Variants in DDX1 observed in about 807,000 individuals in gnomAD.
DDX1 encodes ATP-dependent RNA helicase DDX1.
In DDX1, 28 loss-of-function variants were observed where a neutral mutation model predicts 108.7. That is an observed-to-expected ratio of 0.26 (90% CI 0.19 to 0.35). DDX1 has a LOEUF of 0.35. Among genes scored for constraint, DDX1 ranks in the 10% least tolerant of loss-of-function variants. The pLI, the probability that DDX1 is intolerant of heterozygous loss-of-function variation, is 1.00. For missense variants in DDX1, 710 were observed against 884.5 expected (o/e 0.80, Z 2.50); for synonymous variants, 295 against 288.9 (o/e 1.02, Z -0.21).
chr2:15,593,974 A>G (rs1665460625), intron 1 of DDX1, among the ~76,000 whole-genome samples: 1 of 152,080 alleles, frequency 6.6e-6, no homozygotes, highest in South Asian at 2.1e-4. Flanking sequence ...GCTCCTCGGG[A>G]GGCTGAGGCA....
At chr2:15,604,818 G>A (rs888882176) in intron 10 of DDX1, among the ~76,000 whole-genome samples, 10 of 152,162 alleles carry the variant, frequency 6.6e-5, no homozygotes, top group African/African-American at 2.4e-4. Context: ...GAGTCATAGC[G>A]GTTTGGGGGT....
chr2:15,602,483 G>C (rs1665602745), intron 6 of DDX1, 65 bp from the exon 7 acceptor site: 3 of 1,145,756 alleles, frequency 2.6e-6, no homozygotes, highest in Non-Finnish European at 4.0e-6. Context: ...GTGGTAGGGG[G>C]TGGGAATGTA....
Position 15,617,331 on chromosome 2 carries a change from C to T in DDX1, c.1105C>T (p.Leu369=), listed in dbSNP as rs1665913581. 6.3e-7 allele frequency: 1 copy of T among 1,582,148 alleles called. No individual in the cohort carries two copies. Among genetic ancestry groups the T allele is most frequent in the East Asian group, 2.3e-5 (1 of 44,190 alleles). Residue 369 remains leucine, a synonymous_variant, in exon 15 of 26, where the codon CTG becomes TTG. Transcript: ENST00000233084. ...LNLSQVRFLV[L]DEADGLLSQG... ...CTTATCTCAAGTTAGATTCCTGGTC[C>T]TGGATGAAGCTGTATGTTGAAATAT...
intron 1 of DDX1, among the ~76,000 whole-genome samples, chr2:15,593,037 C>T (rs2148735384): frequency 6.6e-6 from 1 of 152,212 alleles, no homozygotes; most frequent in Non-Finnish European, 1.5e-5. Context: ...TCTCCTGCCT[C>T]AGCCTCCTGA....
Position 15,604,434 on chromosome 2 carries a change from T to G in DDX1, c.553-3T>G, listed in dbSNP as rs1367608753. The G allele has an allele frequency of 3.1e-6, 5 of 1,599,022 alleles. No individual in the cohort carries two copies. The highest frequency in any genetic ancestry group is 3.4e-6 in the Non-Finnish European group (4 of 1,167,450). On this transcript the variant is annotated splice_polypyrimidine_tract_variant and splice_region_variant and intron_variant, in intron 9 of 25. Coordinates refer to ENST00000233084, the MANE Select transcript of DDX1 (RefSeq NM_004939.3). ...AATAGCATTTGACTTTCTGGTGTTC[T>G]AGGAATTCACTATGCATGATACCAT...
At chr2:15,617,808 T>A (rs188805877) in intron 15 of DDX1, among the ~76,000 whole-genome samples, 15 of 152,350 alleles carry the variant, frequency 9.8e-5, no homozygotes, top group Admixed American at 9.8e-4. Flanking sequence ...CTCTTAGACA[T>A]ACTTCCAAAT....
At chr2:15,602,677 A>G (rs1270885503) in intron 7 of DDX1, 46 bp downstream of exon 7, 32 of 1,354,798 alleles carry the variant, frequency 2.4e-5, no homozygotes, top group Non-Finnish European at 3.2e-5. Context: ...GAGGCAAGGT[A>G]TTAATACGTG....
intron 17 of DDX1, among the ~76,000 whole-genome samples, chr2:15,620,639 CAT>C (rs1336834897): frequency 1.3e-5 from 2 of 152,106 alleles, no homozygotes; most frequent in Non-Finnish European, 2.9e-5. Context: ...AAGTAAATAA[CAT>C]ATATTTATCT....
chr2:15,626,029 G>A (rs1321085191), intron 19 of DDX1, among the ~76,000 whole-genome samples: 1 of 152,040 alleles, frequency 6.6e-6, no homozygotes, highest in Non-Finnish European at 1.5e-5. Flanking sequence ...TGATTAAGTA[G>A]TAATATCCCT....
chr2:15,621,915 A>G (rs911994241), intron 18 of DDX1, among the ~76,000 whole-genome samples: 1 of 152,234 alleles, frequency 6.6e-6, no homozygotes, highest in Non-Finnish European at 1.5e-5. Flanking sequence ...TGGCTTCACA[A>G]AGTGCTGGGA....
rs767682755 is a variant in DDX1, at chr2:15,603,907, T to C, written c.552+17T>C. 3 of 1,544,974 alleles carry C rather than the reference T, an allele frequency of 1.9e-6. No individual in the cohort carries two copies. Among genetic ancestry groups the C allele is most frequent in the Non-Finnish European group, 1.8e-6 (2 of 1,121,626 alleles). ...TATGGAGAGGTAAGCGATTATGTTA[T>C]GACTTCAACATAGCATAAGTAAGTT... On this transcript the variant is annotated intron_variant, in intron 9 of 25. Coordinates refer to ENST00000233084, the MANE Select transcript of DDX1 (RefSeq NM_004939.3).
intron 15 of DDX1, 50 bp downstream of exon 15, chr2:15,617,392 G>T (rs1453465625): frequency 4.6e-6 from 5 of 1,088,978 alleles, no homozygotes; most frequent in Non-Finnish European, 6.7e-6. Flanking sequence ...TATATTTTTT[G>T]AGATAAAATA....
At chr2:15,628,964 T>G in intron 23 of DDX1, 125 bp downstream of exon 23, 1 of 850,450 alleles carries the variant, frequency 1.2e-6, no homozygotes, top group Non-Finnish European at 1.9e-6. Context: ...AATGAACTTT[T>G]TAATGTCATC....
chr2:15,626,554 A>G (rs1573052065), intron 19 of DDX1, among the ~76,000 whole-genome samples: 1 of 152,096 alleles, frequency 6.6e-6, no homozygotes. Context: ...ACACCTCTCC[A>G]TCTTTACAGT....
intron 23 of DDX1, 77 bp from the exon 24 acceptor site, chr2:15,629,525 A>G: frequency 9.0e-7 from 1 of 1,114,496 alleles, no homozygotes; most frequent in East Asian, 2.8e-5. Flanking sequence ...GAAAACAATT[A>G]AAAACAAATT....
chr2:15,611,721 GA>G (rs1222401774), intron 13 of DDX1, among the ~76,000 whole-genome samples: 20 of 98,490 alleles, frequency 2.0e-4, no homozygotes, highest in South Asian at 3.9e-4. Context: ...CGGACGGGGC[GA>G]CTGGCCGGGC....
In DDX1 at chr2:15,630,992, T is replaced by C; in HGVS notation, c.*86T>C. On this transcript the variant is annotated 3_prime_UTR_variant, in exon 26 of 26. Transcript: ENST00000233084. Reference sequence around the variant, plus strand: ...CAGTTGTACTGCTTCCAAGCAGCAGTATTTATAGTAACGTAAGCTATTAAT... The same window carrying C: ...CAGTTGTACTGCTTCCAAGCAGCAGCATTTATAGTAACGTAAGCTATTAAT... 1.5e-6 allele frequency: 2 copies of C among 1,328,688 alleles called. No individual in the cohort carries two copies. Among genetic ancestry groups the C allele is most frequent in the Non-Finnish European group, 2.1e-6 (2 of 955,198 alleles). 82.3% of individuals were successfully genotyped at this position (1,328,688 alleles called of 1,614,324 possible). A position where few individuals can be genotyped will look rare whatever the true frequency, so the allele number is the denominator to read the frequency against.
intron 1 of DDX1, among the ~76,000 whole-genome samples, chr2:15,592,153 C>T (rs1310394175): frequency 6.6e-6 from 1 of 152,208 alleles, no homozygotes. Flanking sequence ...TTCCCAGGAG[C>T]GGGCCGGAAC....
chr2:15,594,388 G>A (rs1665467426), intron 1 of DDX1, among the ~76,000 whole-genome samples: 1 of 152,108 alleles, frequency 6.6e-6, no homozygotes, highest in Non-Finnish European at 1.5e-5. Context: ...GAAAGTTTAA[G>A]TAATCCAACT....
Sources: gnomAD v4.1 joint callset for allele counts (sites outside exome capture counted in the v4.1 genomes callset) on GRCh38, gnomAD v4.1.1 for gene constraint, MANE v1.5 for transcripts, NCBI Gene and HGNC (gene_info 2026-07-23, HGNC 2026-07-21) for gene names.